UBR1: variants seen among roughly 807,000 people sequenced by gnomAD.
The protein encoded by UBR1 is ubiquitin protein ligase E3 component n-recognin 1.
UBR1 carries 102 observed loss-of-function variants against 242.1 expected under a neutral mutation model. The ratio of observed to expected loss-of-function variants is 0.42; its 90% CI spans 0.36 to 0.50. The LOEUF is 0.50. Ranked by LOEUF, UBR1 falls within the 20% of genes least tolerant of loss-of-function variation. The pLI is 0.01. For synonymous variants in UBR1, 675 were observed against 684.8 expected (o/e 0.99, Z 0.22); for missense variants, 1,772 against 2,101.8 (o/e 0.84, Z 3.07).
At chr15:42,972,589 T>C (rs1467318040) in intron 39 of UBR1, among the ~76,000 whole-genome samples, 1 of 152,158 alleles carries the variant, frequency 6.6e-6, no homozygotes, top group Non-Finnish European at 1.5e-5. Context: ...CAGGCTAGTC[T>C]TGAACTCCTG....
intron 4 of UBR1, among the ~76,000 whole-genome samples, chr15:43,074,545 C>T (rs955319740): frequency 6.6e-6 from 1 of 152,148 alleles, no homozygotes; most frequent in African/African-American, 2.4e-5. Flanking sequence ...TCTCGTGCCT[C>T]AGTCCCCCCA....
At chr15:43,009,569 C>T (rs577151318) in intron 29 of UBR1, among the ~76,000 whole-genome samples, 1 of 152,308 alleles carries the variant, frequency 6.6e-6, no homozygotes, top group East Asian at 1.9e-4. Context: ...TGCCACTGGC[C>T]ACAGAGGTTT....
intron 33 of UBR1, among the ~76,000 whole-genome samples, chr15:42,995,572 G>C (rs987401880): frequency 6.6e-6 from 1 of 152,036 alleles, no homozygotes; most frequent in Non-Finnish European, 1.5e-5. Flanking sequence ...AGAGGTTGAG[G>C]CAGGAGAATC....
chr15:43,098,806 G>C (rs960510876), intron 1 of UBR1, among the ~76,000 whole-genome samples: 1 of 152,024 alleles, frequency 6.6e-6, no homozygotes, highest in African/African-American at 2.4e-5. Context: ...TTATGAGATG[G>C]TGAAAAAACA....
intron 44 of UBR1, among the ~76,000 whole-genome samples, chr15:42,954,341 C>T (rs2031882797): frequency 6.6e-6 from 1 of 151,992 alleles, no homozygotes; most frequent in Admixed American, 6.6e-5. Flanking sequence ...GTAAAGTGAC[C>T]CAACCATTCC....
chr15:43,027,227 T>C (rs971246857), intron 22 of UBR1, among the ~76,000 whole-genome samples: 2 of 152,102 alleles, frequency 1.3e-5, no homozygotes, highest in Non-Finnish European at 1.5e-5. Context: ...TGAACATTAC[T>C]AGATCATAAG....
chr15:42,947,921 T>G (rs2141246930), intron 46 of UBR1, among the ~76,000 whole-genome samples: 1 of 152,134 alleles, frequency 6.6e-6, no homozygotes, highest in East Asian at 1.9e-4. Flanking sequence ...CTTCACAGAA[T>G]TGGAAAAAAC....
chr15:42,958,161 T>C, intron 43 of UBR1, 71 bp from the exon 44 acceptor site: 1 of 1,030,162 alleles, frequency 9.7e-7, no homozygotes, highest in Non-Finnish European at 1.5e-6. Flanking sequence ...CCCAAAGTGA[T>C]AGAAGAATGT....
chr15:43,008,977 A>G (rs2032875519), intron 29 of UBR1, among the ~76,000 whole-genome samples: 1 of 152,204 alleles, frequency 6.6e-6, no homozygotes, highest in Non-Finnish European at 1.5e-5. Context: ...AAAGCTCTCC[A>G]CCTTGCTCAC....
intron 32 of UBR1, among the ~76,000 whole-genome samples, chr15:42,998,937 C>CTTTTTTTTT (rs35098054): frequency 8.2e-6 from 1 of 121,270 alleles, no homozygotes; most frequent in Non-Finnish European, 1.7e-5. Flanking sequence ...GGAGCCTTTG[C>CTTTTTTTTT]TTTTTTTTTT....
rs936780774 is a variant in UBR1 at position 43,056,234 on chromosome 15, C to G, written c.1281+110G>C. 5.6e-6 allele frequency: 5 copies of G among 899,312 alleles called. No individual in the cohort carries two copies. In the African/African-American group the frequency reaches 8.2e-5, roughly 15 times the overall value. The allele number at this position is 899,312 out of a possible 1,614,324, so 55.7% of individuals were successfully genotyped here. On this transcript the variant is annotated intron_variant, in intron 11 of 46. Transcript: ENST00000290650. ...GTAGCACTAAAGTATTCACATAGCC[C>G]AACTTAGTGATTCTAACATTGTTCT...
Position 42,943,847 on chromosome 15 carries a change from A to G in UBR1, c.*1482T>C, listed in dbSNP as rs1292542097. On this transcript the variant is annotated 3_prime_UTR_variant, in exon 47 of 47. Transcript: ENST00000290650. ...TATCTATTTATCCAGATACCTTCTGAATTGTAATTATTCAAGTAGAAAATC... is the reference window on the plus strand; with the variant it reads ...TATCTATTTATCCAGATACCTTCTGGATTGTAATTATTCAAGTAGAAAATC... 2 of 152,394 alleles carry G rather than the reference A, an allele frequency of 1.3e-5. No individual in the cohort carries two copies. The highest frequency in any genetic ancestry group is 2.9e-5 in the Non-Finnish European group (2 of 68,026). The allele number at this position is 152,394 out of a possible 1,614,324, so 9.4% of individuals were successfully genotyped here.
At chr15:42,961,423 CTTT>C (rs766721149) in intron 42 of UBR1, among the ~76,000 whole-genome samples, 7 of 131,870 alleles carry the variant, frequency 5.3e-5, no homozygotes, top group Admixed American at 1.6e-4. Flanking sequence ...CTATGTTCCT[CTTT>C]TTTTTTTTTT....
chr15:42,964,114 T>C, intron 41 of UBR1, 71 bp from the exon 42 acceptor site: 1 of 1,069,320 alleles, frequency 9.4e-7, no homozygotes, highest in East Asian at 2.5e-5. Flanking sequence ...TTAGAGTTTC[T>C]TCACTGTTTA....
chr15:42,987,646 G>A (rs987446468), intron 35 of UBR1, among the ~76,000 whole-genome samples: 36 of 150,490 alleles, frequency 2.4e-4, no homozygotes, highest in Admixed American at 9.3e-4. Context: ...TCTGGGAGGC[G>A]GAGGTTGTGG....
At chr15:43,066,683 T>C (rs1206345518) in intron 6 of UBR1, among the ~76,000 whole-genome samples, 5 of 152,332 alleles carry the variant, frequency 3.3e-5, no homozygotes, top group African/African-American at 1.2e-4. Context: ...CCTTATTAGC[T>C]GTATTCCTAG....
chr15:43,059,860 T>C (rs768797361), intron 7 of UBR1, 35 bp from the exon 8 acceptor site: 2 of 1,612,846 alleles, frequency 1.2e-6, no homozygotes, highest in Non-Finnish European at 1.7e-6. Flanking sequence ...AAAAATAGCA[T>C]TTAAAATTTG....
intron 6 of UBR1, among the ~76,000 whole-genome samples, chr15:43,060,782 C>T (rs1274658354): frequency 6.6e-6 from 1 of 152,100 alleles, no homozygotes; most frequent in Non-Finnish European, 1.5e-5. Flanking sequence ...AGAAAGTTAG[C>T]AAGTGACAGA....
chr15:43,084,976 C>T (rs2034017173), intron 2 of UBR1, among the ~76,000 whole-genome samples: 1 of 152,212 alleles, frequency 6.6e-6, no homozygotes, highest in African/African-American at 2.4e-5. Context: ...AAAACATTCT[C>T]TGTGCTGTCA....
Sources: gnomAD v4.1 joint callset for allele counts (sites outside exome capture counted in the v4.1 genomes callset) on GRCh38, gnomAD v4.1.1 for gene constraint, MANE v1.5 for transcripts, NCBI Gene and HGNC (gene_info 2026-07-23, HGNC 2026-07-21) for gene names.